KCTD1: variants seen among roughly 807,000 people sequenced by gnomAD.
The protein encoded by KCTD1 is BTB/POZ domain-containing protein KCTD1.
KCTD1 carries 24 observed loss-of-function variants against 66.0 expected under a neutral mutation model. That is an observed-to-expected ratio of 0.36 (90% CI 0.26 to 0.51). KCTD1 has a LOEUF of 0.51. KCTD1 is among the 20% of genes least tolerant of loss of function. KCTD1 has a pLI of 0.95. For missense variants in KCTD1, 943 were observed against 1,205.2 expected (o/e 0.78, Z 3.22); for synonymous variants, 511 against 517.2 (o/e 0.99, Z 0.16).
At chr18:26,566,776 C>G (rs1054665013) in intron 1 of KCTD1, 2 of 148,278 alleles carry the variant, frequency 1.3e-5, no homozygotes, top group Non-Finnish European at 3.0e-5. Flanking sequence ...TGGCATTTCC[C>G]CTGGTGGTTT....
At chr18:26,492,858 T>C (rs1982277349) in intron 2 of KCTD1, among the ~76,000 whole-genome samples, 2 of 152,002 alleles carry the variant, frequency 1.3e-5, no homozygotes, top group Admixed American at 1.3e-4. Flanking sequence ...GATATAACCT[T>C]ATATATAAAT....
Position 26,459,956 on chromosome 18 carries a change from A to G in KCTD1, c.2134-31T>C, listed in dbSNP as rs756750882. The G allele has an allele frequency of 4.0e-6, 6 of 1,487,432 alleles. No individual in the cohort carries two copies. In the Admixed American group the frequency reaches 8.5e-5, roughly 21 times the overall value. 92.1% of individuals were successfully genotyped at this position (1,487,432 alleles called of 1,614,324 possible). On this transcript the variant is annotated intron_variant, in intron 3 of 4. Transcript: ENST00000580059. ...AAAAAAAAAGGTATTTCACAGTGCA[A>G]ACTGCAAACATAAAGTACTAAACAT...
chr18:26,556,429 A>G (rs531190299), intron 1 of KCTD1, among the ~76,000 whole-genome samples: 2 of 152,266 alleles, frequency 1.3e-5, no homozygotes, highest in African/African-American at 4.8e-5. Context: ...CAGTAAAAAC[A>G]ATCTCCCCTG....
Position 26,599,759 on chromosome 18 carries a change from T to G in KCTD1, c.-16+29388A>C, listed in dbSNP as rs576790664. 55 of 1,575,370 alleles carry G rather than the reference T, an allele frequency of 3.5e-5. 1 individual carries two copies. In the South Asian group the frequency reaches 5.8e-4, roughly 17 times the overall value. The stretch of plus-strand genomic sequence containing the variant: ...GACAGCATCTAAGCTGTGTTCACCC[T>G]GACTCTTTCTGGTCTTGTGGAAGTG... On this transcript the variant is annotated intron_variant, in intron 1 of 4. Coordinates refer to the KCTD1 transcript ENST00000317932.
rs112801393 is a variant in KCTD1 at position 26,577,519 on chromosome 18, G to A, written c.-16+51628C>T. Among the ~76,000 whole-genome samples the A allele has an allele frequency of 2.9e-3, 443 of 151,226 alleles. 3 individuals carry two copies. The highest frequency in any genetic ancestry group is 0.017 in the South Asian group (83 of 4,748). ...TCTTTTCAATGTGATTATTTCTTTC[G>A]GATAAATTCATGAGCATTTCTTAAT... On this transcript the variant is annotated intron_variant, in intron 1 of 4. Coordinates refer to the KCTD1 transcript ENST00000317932.
intron 1 of KCTD1, among the ~76,000 whole-genome samples, chr18:26,556,268 TTG>T (rs1458704128): frequency 1.3e-5 from 2 of 152,120 alleles, no homozygotes; most frequent in African/African-American, 4.8e-5. Flanking sequence ...GCAGGAAACA[TTG>T]TGACCTGGCC....
chr18:26,548,718 G>A, upstream of KCTD1: 1 of 731,058 alleles, frequency 1.4e-6, no homozygotes, highest in Non-Finnish European at 1.7e-6. Context: ...GCAGGGGATG[G>A]AGGGGAGGGG....
In KCTD1 at chr18:26,645,544, A is replaced by C. The variant is rs895002245; in HGVS notation, c.9+11816T>G. ...CAGCCTCCAGAGTAGCTGGGATTACAAGCATGCACCCCATGCCTGGTTATT... is the reference window on the plus strand; with the variant it reads ...CAGCCTCCAGAGTAGCTGGGATTACCAGCATGCACCCCATGCCTGGTTATT... On this transcript the variant is annotated intron_variant, in intron 1 of 4. Coordinates refer to the KCTD1 transcript ENST00000580191. Among the ~76,000 whole-genome samples the C allele has an allele frequency of 1.2e-4, 18 of 152,244 alleles. 1 individual carries two copies. Among genetic ancestry groups the C allele is most frequent in the Admixed American group, 9.8e-4 (15 of 15,294 alleles).
intron 1 of KCTD1, among the ~76,000 whole-genome samples, chr18:26,592,207 G>GA (rs1986625024): frequency 6.6e-6 from 1 of 151,880 alleles, no homozygotes; most frequent in Non-Finnish European, 1.5e-5. Context: ...AACCATACTT[G>GA]AAAAAAATCC....
upstream of KCTD1, among the ~76,000 whole-genome samples, chr18:26,550,573 C>CACACAG (rs1342995029): frequency 3.9e-5 from 5 of 129,210 alleles, no homozygotes; most frequent in African/African-American, 1.0e-4. The surrounding 1 kb of genome is among the most constrained non-coding windows in gnomAD (Gnocchi z 5.4). Context: ...CAGACACACA[C>CACACAG]ACACACACAC....
At chr18:26,457,692 A>C (rs1980168230) in intron 4 of KCTD1, 1 of 152,226 alleles carries the variant, frequency 6.6e-6, no homozygotes, top group Non-Finnish European at 1.5e-5. Context: ...GGAAACAACA[A>C]CACGTTCACA....
intron 1 of KCTD1, among the ~76,000 whole-genome samples, chr18:26,635,502 G>A (rs1003834949): frequency 1.3e-5 from 2 of 152,230 alleles, no homozygotes; most frequent in Non-Finnish European, 2.9e-5. Context: ...CCTAATGTTT[G>A]TTTGAATGGC....
upstream of KCTD1, among the ~76,000 whole-genome samples, chr18:26,643,432 A>G (rs969208581): frequency 6.6e-6 from 1 of 152,206 alleles, no homozygotes; most frequent in African/African-American, 2.4e-5. Context: ...GGAAGGGGCC[A>G]ATGGAGACAG....
At chr18:26,648,128 G>A (rs1371797067) in intron 1 of KCTD1, among the ~76,000 whole-genome samples, 1 of 152,122 alleles carries the variant, frequency 6.6e-6, no homozygotes, top group Admixed American at 6.5e-5. Context: ...TTACAAGTGT[G>A]AGCCACTGTG....
intron 2 of KCTD1, among the ~76,000 whole-genome samples, chr18:26,497,916 C>T (rs1234985639): frequency 6.6e-6 from 1 of 152,042 alleles, no homozygotes; most frequent in Non-Finnish European, 1.5e-5. Context: ...AGGCAAGAAT[C>T]CAGATGTAAA....
At chr18:26,483,323 C>T (rs1981745106) in intron 2 of KCTD1, among the ~76,000 whole-genome samples, 1 of 152,132 alleles carries the variant, frequency 6.6e-6, no homozygotes, top group African/African-American at 2.4e-5. Context: ...GGCTGGAGTG[C>T]AGTGGCATGA....
intron 1 of KCTD1, among the ~76,000 whole-genome samples, chr18:26,530,707 C>A (rs1419652291): frequency 1.3e-5 from 2 of 152,194 alleles, no homozygotes; most frequent in African/African-American, 4.8e-5. Context: ...ACCTTCAGGG[C>A]ACTGTCTTAA....
chr18:26,563,545 T>C (rs1297650670), intron 1 of KCTD1, among the ~76,000 whole-genome samples: 1 of 152,226 alleles, frequency 6.6e-6, no homozygotes, highest in Non-Finnish European at 1.5e-5. Context: ...ATTTCACATG[T>C]TACCTCCTCT....
intron 1 of KCTD1, among the ~76,000 whole-genome samples, chr18:26,592,953 T>C (rs897508353): frequency 6.6e-6 from 1 of 152,232 alleles, no homozygotes; most frequent in Non-Finnish European, 1.5e-5. Flanking sequence ...TGCATATGAC[T>C]GAAAGCACCT....
Sources: allele counts gnomAD v4.1 joint callset (sites outside exome capture counted in the v4.1 genomes callset), GRCh38; gene constraint gnomAD v4.1.1; non-coding constraint Gnocchi (gnomAD v3.1); transcripts MANE v1.5; gene names NCBI Gene and HGNC (gene_info 2026-07-23, HGNC 2026-07-21).